Variants in SDK2 observed in about 807,000 individuals in gnomAD.
The protein encoded by SDK2 is sidekick cell adhesion molecule 2.
SDK2 carries 105 observed loss-of-function variants against 253.9 expected under a neutral mutation model. That is an observed-to-expected ratio of 0.41 (90% CI 0.35 to 0.49). The LOEUF is 0.49. Ranked by LOEUF, SDK2 falls within the 20% of genes least tolerant of loss-of-function variation. The pLI, the probability that SDK2 is intolerant of heterozygous loss-of-function variation, is 0.06. For synonymous variants in SDK2, 1,249 were observed against 1,234.9 expected (o/e 1.01, Z -0.24); for missense variants, 2,608 against 3,003.0 (o/e 0.87, Z 3.07).
intron 18 of SDK2, among the ~76,000 whole-genome samples, chr17:73,402,394 G>T (rs1054794635): frequency 6.6e-6 from 1 of 152,194 alleles, no homozygotes; most frequent in Non-Finnish European, 1.5e-5. Flanking sequence ...GAATCGCCTC[G>T]TACTCAATTC....
intron 40 of SDK2, among the ~76,000 whole-genome samples, chr17:73,355,174 A>ATTTTTTTT (rs770032791): frequency 2.3e-3 from 107 of 47,208 alleles, no homozygotes; most frequent in South Asian, 3.6e-3. Context: ...ATATATATAT[A>ATTTTTTTT]TTTTTTTTTT....
chr17:73,348,528 A>G (rs1056162099), intron 44 of SDK2, 71 bp downstream of exon 44: 12 of 1,549,508 alleles, frequency 7.7e-6, no homozygotes, highest in Middle Eastern at 3.4e-4. Flanking sequence ...AAGCCCATCT[A>G]CGTTCACTGC....
chr17:73,637,938 GA>G (rs1381542177), intron 1 of SDK2, among the ~76,000 whole-genome samples: 4 of 152,340 alleles, frequency 2.6e-5, no homozygotes, highest in Non-Finnish European at 4.4e-5. Flanking sequence ...GAAGAGCTGG[GA>G]AAATGACCAG....
chr17:73,516,627 G>C (rs917756069), intron 1 of SDK2: 1 of 152,436 alleles, frequency 6.6e-6, no homozygotes, highest in Non-Finnish European at 1.5e-5. Context: ...CTCTGGCCCC[G>C]GTGCTGCCTG....
intron 1 of SDK2, among the ~76,000 whole-genome samples, chr17:73,561,859 C>T (rs2045239907): frequency 6.6e-6 from 1 of 152,254 alleles, no homozygotes; most frequent in Non-Finnish European, 1.5e-5. Context: ...AGTGCAGTGG[C>T]TCACGCCTGT....
chr17:73,440,829 C>T lies in SDK2; in HGVS notation c.708G>A (p.Glu236=), dbSNP rs1178222504. Reference sequence around the variant, plus strand: ...CTACCTACCTGGCATTGGCCACACACTCCAAGGTAACCTCTGAGGTGCCGG... The same window carrying T: ...CTACCTACCTGGCATTGGCCACACATTCCAAGGTAACCTCTGAGGTGCCGG... ...VVAGTSEVTL[E]CVANARPLIK... is the part of the protein sequence containing the mutation. The change falls in exon 6 of 45, where the codon GAG becomes GAA. Residue 236 remains glutamate (E), a synonymous_variant. Transcript: ENST00000392650. 2.6e-6 allele frequency: 4 copies of T among 1,551,490 alleles called. No individual in the cohort carries two copies. Among genetic ancestry groups the T allele is most frequent in the Non-Finnish European group, 3.5e-6 (4 of 1,146,870 alleles).
At chr17:73,387,734 G>T in intron 30 of SDK2, 102 bp downstream of exon 30, 1 of 1,077,478 alleles carries the variant, frequency 9.3e-7, no homozygotes, top group South Asian at 1.6e-5. Flanking sequence ...GCTGGGGGCA[G>T]GCTGGAGGTG....
At chr17:73,497,742 T>G (rs1317757713) in intron 2 of SDK2, among the ~76,000 whole-genome samples, 2 of 151,984 alleles carry the variant, frequency 1.3e-5, no homozygotes, top group Admixed American at 1.3e-4. Flanking sequence ...CTCACCCAGC[T>G]TCCTGAGCAA....
intron 13 of SDK2, among the ~76,000 whole-genome samples, 196 bp from the exon 14 acceptor site, chr17:73,423,718 C>G (rs1240173303): frequency 3.3e-5 from 5 of 152,182 alleles, no homozygotes; most frequent in African/African-American, 9.7e-5. Context: ...ATCCTCACAC[C>G]CCCCTGCTCT....
At chr17:73,482,326 G>T (rs2063731010) in intron 2 of SDK2, among the ~76,000 whole-genome samples, 1 of 152,010 alleles carries the variant, frequency 6.6e-6, no homozygotes, top group South Asian at 2.1e-4. Flanking sequence ...TTCCTCATAG[G>T]GCTGAGCAGG....
intron 40 of SDK2, chr17:73,357,481 C>T (rs889487057): frequency 1.6e-5 from 3 of 186,768 alleles, no homozygotes; most frequent in African/African-American, 7.2e-5. Context: ...CCTAGCAACG[C>T]AGGGAGCTGG....
intron 1 of SDK2, among the ~76,000 whole-genome samples, chr17:73,587,386 A>G (rs1265869049): frequency 1.3e-5 from 2 of 152,240 alleles, no homozygotes; most frequent in Non-Finnish European, 2.9e-5. Context: ...GCTGCCAAGT[A>G]ACTTTGAGCC....
intron 1 of SDK2, among the ~76,000 whole-genome samples, chr17:73,550,291 G>A (rs975949439): frequency 6.6e-6 from 1 of 152,106 alleles, no homozygotes; most frequent in Non-Finnish European, 1.5e-5. Flanking sequence ...TCTGCTCTAG[G>A]GTTAACGGTT....
chr17:73,531,612 C>T (rs577705093), intron 1 of SDK2, among the ~76,000 whole-genome samples: 6 of 152,204 alleles, frequency 3.9e-5, no homozygotes, highest in Admixed American at 6.5e-5. Flanking sequence ...AGGCCCTTAT[C>T]GCCTCCCAGC....
chr17:73,483,695 ATATATATATATATT>A lies in SDK2; in HGVS notation c.225-11491_225-11478del, dbSNP rs1567799463. ...TATATATATATATTTATATATATATATATATATATATATTTTTTTTTTTTTTTAGTAGAGTTGGG... is the reference window on the plus strand; with the variant it reads ...TATATATATATATTTATATATATATATTTTTTTTTTTTTAGTAGAGTTGGG... On this transcript the variant is annotated intron_variant, in intron 2 of 44. Coordinates refer to ENST00000392650, the MANE Select transcript of SDK2 (RefSeq NM_001144952.2). Among the ~76,000 whole-genome samples, 48 of 71,068 alleles carry A rather than the reference ATATATATATATATT, an allele frequency of 6.8e-4. 4 individuals are homozygous for A. The highest frequency in any genetic ancestry group is 2.0e-3 in the African/African-American group (31 of 15,682). 46.6% of individuals were successfully genotyped at this position (71,068 alleles called of 152,430 possible). A position where few individuals can be genotyped will look rare whatever the true frequency, so the allele number is the denominator to read the frequency against.
chr17:73,402,821 A>G (rs554657946), intron 18 of SDK2, among the ~76,000 whole-genome samples: 1 of 152,014 alleles, frequency 6.6e-6, no homozygotes, highest in East Asian at 1.9e-4. Flanking sequence ...TTTTTGAGAC[A>G]GAGTCTTACT....
intron 3 of SDK2, among the ~76,000 whole-genome samples, chr17:73,459,244 A>G (rs892010400): frequency 7.9e-5 from 12 of 152,148 alleles, no homozygotes; most frequent in Non-Finnish European, 1.6e-4. Flanking sequence ...TATGCCTCCC[A>G]ACTCCAGATC....
intron 2 of SDK2, among the ~76,000 whole-genome samples, chr17:73,503,522 A>G (rs2063906454): frequency 6.6e-6 from 1 of 152,234 alleles, no homozygotes; most frequent in Non-Finnish European, 1.5e-5. Context: ...TTGTGATGGT[A>G]CATGTATGCA....
chr17:73,420,197 G>A (rs1006685668), intron 15 of SDK2, among the ~76,000 whole-genome samples: 1 of 152,242 alleles, frequency 6.6e-6, no homozygotes, highest in Non-Finnish European at 1.5e-5. Flanking sequence ...GGGGGATGCT[G>A]TGTTCTGCCT....
Sources: allele counts gnomAD v4.1 joint callset (sites outside exome capture counted in the v4.1 genomes callset), GRCh38; gene constraint gnomAD v4.1.1; transcripts MANE v1.5; gene names NCBI Gene and HGNC (gene_info 2026-07-23, HGNC 2026-07-21).